The following PDE4C variants were observed in gnomAD, a reference collection of about 807,000 sequenced individuals.
The protein encoded by PDE4C is phosphodiesterase 4C.
PDE4C carries 50 observed loss-of-function variants against 63.9 expected under a neutral mutation model. The observed-to-expected ratio is 0.78, with a 90% CI of 0.62 to 0.99. The LOEUF (loss-of-function observed/expected upper bound fraction) is 0.99. PDE4C is among the 50% of genes least tolerant of loss of function. The probability of loss-of-function intolerance (pLI) is 0.00; values close to 1 mark genes in which losing one functional copy is unlikely to be tolerated. For synonymous variants in PDE4C, 377 were observed against 385.1 expected (o/e 0.98, Z 0.25); for missense variants, 777 against 899.1 (o/e 0.86, Z 1.74).
At chr19:18,237,964 C>T (rs1357040941), upstream of PDE4C, among the ~76,000 whole-genome samples, 4 of 151,806 alleles carry the variant, frequency 2.6e-5, no homozygotes, top group South Asian at 6.2e-4. Context: ...CAGTAGGGCA[C>T]GGTGGCTCAT....
At position 18,219,015 on chromosome 19, in the gene PDE4C, C is replaced by T; in HGVS notation, c.894G>A (p.Trp298Ter). The T allele has an allele frequency of 6.2e-7, 1 of 1,613,370 alleles. No individual in the cohort carries two copies. Among genetic ancestry groups the T allele is most frequent in the Admixed American group, 1.7e-5 (1 of 60,022 alleles). ...CCGCCACCTTGAACACATCAAGTCC[C>T]CACTTGTTGGTGTCTTCTAGCTCCT... The change falls in exon 9 of 15, where the codon TGG (tryptophan) becomes TGA (stop). Residue 298 changes from tryptophan to a stop codon, truncating the protein, a stop_gained. Transcript: ENST00000262805. LOFTEE classifies it high-confidence loss of function.
chr19:18,248,288 C>T (rs554374948), upstream of PDE4C: 85 of 451,158 alleles, frequency 1.9e-4, no homozygotes, highest in African/African-American at 1.4e-3. Context: ...CTCAGCGGAG[C>T]CCCTTAACTG....
At chr19:18,219,621 C>T (rs932075703) in intron 7 of PDE4C, 10 of 550,748 alleles carry the variant, frequency 1.8e-5, no homozygotes, top group South Asian at 4.7e-5. Context: ...GTCAGGAGTT[C>T]GAGACCAGTC....
exon 1 of PDE4C, chr19:18,233,394 G>C: frequency 2.7e-6 from 2 of 732,274 alleles, no homozygotes; most frequent in Non-Finnish European, 4.8e-6. Flanking sequence ...TCGATGCCCA[G>C]ATGGTGCTGA....
intron 1 of PDE4C, among the ~76,000 whole-genome samples, chr19:18,239,655 G>C (rs1969006588): frequency 6.6e-6 from 1 of 152,254 alleles, no homozygotes; most frequent in East Asian, 1.9e-4. Flanking sequence ...GGGGTTCAAA[G>C]AGATGGCCCA....
chr19:18,227,515 G>C (rs189921571), upstream of PDE4C, among the ~76,000 whole-genome samples: 13 of 152,034 alleles, frequency 8.6e-5, no homozygotes, highest in African/African-American at 2.7e-4. Context: ...TCCCAGGACT[G>C]GGGGGGGCCT....
Position 18,246,058 on chromosome 19 carries a change from TGGA to T in PDE4C, c.-210+2110_-210+2112del, listed in dbSNP as rs1182578862. 2.1e-4 allele frequency among the ~76,000 whole-genome samples: 30 copies of T among 140,772 alleles called. 1 individual carries two copies. The highest frequency in any genetic ancestry group is 7.6e-4 in the African/African-American group (27 of 35,570). 92.4% of individuals were successfully genotyped at this position (140,772 alleles called of 152,430 possible). On this transcript the variant is annotated intron_variant, in intron 1 of 15. Coordinates refer to the PDE4C transcript ENST00000594617. The stretch of plus-strand genomic sequence containing the variant: ...CAGAGTCTTACTCTGTCATCCAGGC[TGGA>T]GTGCAGTGCAGTGGTGTGATCTTGG...
At position 18,212,957 on chromosome 19, in the gene PDE4C, ATTATAGGC is replaced by A. The variant is rs1320997267; in HGVS notation, c.1512+403_1512+410del. ...TGCCTCGGCCTCCCAAAGTGCTGGG[ATTATAGGC>A]GTGAGCCACTGCGCCCGGCTGCTAA... On this transcript the variant is annotated intron_variant, in intron 13 of 14. Transcript: ENST00000262805. Among the ~76,000 whole-genome samples the A allele has an allele frequency of 5.7e-3, 817 of 143,052 alleles. 7 individuals are homozygous for A. Among genetic ancestry groups the A allele is most frequent in the African/African-American group, 0.02 (775 of 39,624 alleles). The allele number at this position is 143,052 out of a possible 152,430, so 93.8% of individuals were successfully genotyped here.
intron 7 of PDE4C, among the ~76,000 whole-genome samples, chr19:18,219,830 A>C (rs888326100): frequency 2.6e-5 from 4 of 152,032 alleles, no homozygotes; most frequent in African/African-American, 7.2e-5. Context: ...ATCAAAAAAA[A>C]AAAAAAGATC....
At chr19:18,221,327 T>C in intron 2 of PDE4C, 30 bp from the exon 3 acceptor site, 1 of 1,533,000 alleles carries the variant, frequency 6.5e-7, no homozygotes, top group Non-Finnish European at 8.8e-7. Context: ...CAGGGAGAGC[T>C]CTCTCCCATC....
At position 18,219,230 on chromosome 19, in the gene PDE4C, C is replaced by G; in HGVS notation, c.870+4G>C. On this transcript the variant is annotated splice_donor_region_variant and intron_variant, in intron 8 of 14. Transcript: ENST00000262805. ...TGATCTTGGCATTGTGGTTGGGGAC[C>G]CACCTTGGCCAGTTGCTCCTCCTGG... 1 of 1,614,114 alleles carries G rather than the reference C, an allele frequency of 6.2e-7. No homozygotes were observed. The highest frequency in any genetic ancestry group is 1.1e-5 in the South Asian group (1 of 91,080).
At chr19:18,246,828 G>A (rs961869940) in intron 1 of PDE4C, among the ~76,000 whole-genome samples, 4 of 152,172 alleles carry the variant, frequency 2.6e-5, no homozygotes, top group Non-Finnish European at 4.4e-5. Context: ...TCGGGAAGCT[G>A]AGGGAGGAGA....
downstream of PDE4C, chr19:18,208,809 G>A (rs1434853351): frequency 6.6e-6 from 1 of 152,180 alleles, no homozygotes; most frequent in African/African-American, 2.4e-5. Context: ...AGGCCCAGAA[G>A]AGGCTATGAT....
chr19:18,240,598 C>T (rs565968664), intron 1 of PDE4C, among the ~76,000 whole-genome samples: 1 of 151,790 alleles, frequency 6.6e-6, no homozygotes, highest in African/African-American at 2.4e-5. Flanking sequence ...CCTGGTGGTG[C>T]GCACCTGTAG....
chr19:18,213,521 C>T (rs779872085), intron 12 of PDE4C, 31 bp from the exon 13 acceptor site: 10 of 1,597,958 alleles, frequency 6.3e-6, no homozygotes, highest in East Asian at 2.3e-5. Flanking sequence ...GTGACAGGCG[C>T]GAGGACCCTG....
intron 1 of PDE4C, among the ~76,000 whole-genome samples, chr19:18,225,248 G>T (rs764070161): frequency 4.6e-5 from 7 of 152,170 alleles, no homozygotes; most frequent in Non-Finnish European, 4.4e-5. Context: ...CTTGGGTTCG[G>T]GTCTGGCCTG....
At chr19:18,251,208 C>G (rs1969225350), upstream of PDE4C, among the ~76,000 whole-genome samples, 1 of 151,804 alleles carries the variant, frequency 6.6e-6, no homozygotes, top group Non-Finnish European at 1.5e-5. Flanking sequence ...TCACTCCAAC[C>G]TCCGCCTCCT....
At chr19:18,213,524 G>T in intron 12 of PDE4C, 34 bp from the exon 13 acceptor site, 1 of 1,596,538 alleles carries the variant, frequency 6.3e-7, no homozygotes. Flanking sequence ...ACAGGCGCGA[G>T]GACCCTGCCC....
At chr19:18,238,646 T>C (rs1425409072), upstream of PDE4C, among the ~76,000 whole-genome samples, 3 of 152,166 alleles carry the variant, frequency 2.0e-5, no homozygotes, top group Non-Finnish European at 2.9e-5. Flanking sequence ...CATAGTGATA[T>C]TCTATTGTAT....
Sources: allele counts gnomAD v4.1 joint callset (sites outside exome capture counted in the v4.1 genomes callset), GRCh38; gene constraint gnomAD v4.1.1; transcripts MANE v1.5; gene names NCBI Gene and HGNC (gene_info 2026-07-23, HGNC 2026-07-21).